RAB28: variants seen among roughly 807,000 people sequenced by gnomAD.
RAB28 encodes ras-related protein Rab-28.
Under a neutral mutation model 31.7 loss-of-function variants are expected in RAB28, and 24 were observed. The observed-to-expected ratio is 0.76, with a 90% CI of 0.55 to 1.06. The LOEUF (loss-of-function observed/expected upper bound fraction) is 1.06, where lower values mean the gene tolerates loss of function less well. Ranked by LOEUF, RAB28 falls within the 50% of genes least tolerant of loss-of-function variation. The probability of loss-of-function intolerance (pLI) is 0.00; values close to 1 mark genes in which losing one functional copy is unlikely to be tolerated. For synonymous variants in RAB28, 100 were observed against 90.4 expected, an observed-to-expected ratio of 1.11 and a Z score of -0.60; for missense variants, 254 against 258.5, an observed-to-expected ratio of 0.98 and a Z score of 0.12.
chr4:13,474,720 G>C (rs1272904995), intron 2 of RAB28, among the ~76,000 whole-genome samples: 1 of 151,610 alleles, frequency 6.6e-6, no homozygotes, highest in Non-Finnish European at 1.5e-5. Flanking sequence ...TTAGAGAACA[G>C]AATGAAGCAC....
chr4:13,402,402 C>A (rs898690405), intron 4 of RAB28, among the ~76,000 whole-genome samples: 1 of 152,296 alleles, frequency 6.6e-6, no homozygotes, highest in Non-Finnish European at 1.5e-5. Flanking sequence ...TCTGTTCTAT[C>A]AGTTTTTGCT....
At chr4:13,397,287 T>C (rs1259605147) in intron 4 of RAB28, among the ~76,000 whole-genome samples, 2 of 152,056 alleles carry the variant, frequency 1.3e-5, no homozygotes, top group African/African-American at 2.4e-5. Flanking sequence ...TGATGACACA[T>C]ACACATATTA....
chr4:13,389,015 C>T (rs376181374), intron 4 of RAB28, among the ~76,000 whole-genome samples: 15 of 152,014 alleles, frequency 9.9e-5, no homozygotes, highest in African/African-American at 3.4e-4. Context: ...TCCAAGTTTA[C>T]AACAGCACTA....
intron 4 of RAB28, among the ~76,000 whole-genome samples, chr4:13,417,258 C>G (rs527494958): frequency 1.3e-5 from 2 of 152,304 alleles, no homozygotes; most frequent in East Asian, 3.9e-4. Flanking sequence ...TGAAGCCTAC[C>G]ACAGCTCTGC....
intron 6 of RAB28, chr4:13,369,881 G>A: frequency 1.2e-6 from 2 of 1,611,336 alleles, no homozygotes; most frequent in South Asian, 1.1e-5. Flanking sequence ...CTGCACTACT[G>A]TACTGAACAG....
intron 6 of RAB28, chr4:13,370,161 A>AAAAGG (rs1337467990): frequency 5.1e-6 from 5 of 980,604 alleles, no homozygotes; most frequent in African/African-American, 1.8e-5. Flanking sequence ...AAAAGGAAAG[A>AAAAGG]AAAGGAAAGG....
chr4:13,465,518 T>TA (rs149486018), intron 3 of RAB28, among the ~76,000 whole-genome samples: 28 of 147,474 alleles, frequency 1.9e-4, no homozygotes, highest in East Asian at 1.4e-3. Flanking sequence ...ACAGAAAATT[T>TA]AAAAAAAAAA....
chr4:13,395,639 C>T lies in RAB28; in HGVS notation c.392-14045G>A, dbSNP rs1208594600. ...TGACTACTGATAACAAGGGAGAGAA[C>T]GAACAGTCTTAAAAGATACAGTATT... On this transcript the variant is annotated intron_variant, in intron 4 of 6. Transcript: ENST00000330852. Among the ~76,000 whole-genome samples, 6 of 140,488 alleles carry T rather than the reference C, an allele frequency of 4.3e-5. No individual in the cohort carries two copies. The South Asian group carries it at 8.4e-4, about 20-fold the overall frequency. The allele number at this position is 140,488 out of a possible 152,430, so 92.2% of individuals were successfully genotyped here. A position where few individuals can be genotyped will look rare whatever the true frequency, so the allele number is the denominator to read the frequency against.
intron 3 of RAB28, among the ~76,000 whole-genome samples, chr4:13,462,794 C>T (rs1315286093): frequency 2.0e-5 from 3 of 152,142 alleles, no homozygotes; most frequent in Non-Finnish European, 2.9e-5. Flanking sequence ...TGAAATAATG[C>T]CCAACACAGA....
chr4:13,465,277 C>T (rs1270473067), intron 3 of RAB28, among the ~76,000 whole-genome samples: 1 of 151,262 alleles, frequency 6.6e-6, no homozygotes, highest in Non-Finnish European at 1.5e-5. Context: ...GACACCAAAC[C>T]ACATATTTAA....
chr4:13,460,814 T>C lies in RAB28; in HGVS notation c.276A>G (p.Val92=), dbSNP rs145306647. ...YIYGAQGVLL[V]YDITNYQSFE... is the part of the protein sequence containing the mutation. ...AGCTTTGATAATTTGTAATATCATA[T>C]ACCAAGAGGACTCCCTGTCACAAAA... The change falls in exon 4 of 7, where the codon GTA becomes GTG. Residue 92 remains valine, a synonymous_variant. Transcript: ENST00000330852. The C allele has an allele frequency of 6.1e-5, 98 of 1,612,048 alleles. No homozygotes were observed. The highest frequency in any genetic ancestry group is 8.0e-5 in the Non-Finnish European group (94 of 1,178,776).
At chr4:13,441,628 A>G (rs569488902) in intron 4 of RAB28, among the ~76,000 whole-genome samples, 1 of 152,370 alleles carries the variant, frequency 6.6e-6, no homozygotes, top group African/African-American at 2.4e-5. Context: ...CCACACAAGT[A>G]ATCCTAAAAA....
At chr4:13,369,811 T>C in intron 6 of RAB28, 3 of 1,465,522 alleles carry the variant, frequency 2.0e-6, no homozygotes, top group Non-Finnish European at 2.8e-6. Context: ...AAGAACAAGA[T>C]AGCATTCAAT....
chr4:13,376,264 A>G (rs1278994357), intron 6 of RAB28, among the ~76,000 whole-genome samples: 1 of 152,176 alleles, frequency 6.6e-6, no homozygotes, highest in Non-Finnish European at 1.5e-5. Flanking sequence ...CAATGTGGTC[A>G]GCACCTTAAC....
intron 4 of RAB28, among the ~76,000 whole-genome samples, chr4:13,453,069 G>A (rs1045500682): frequency 6.6e-6 from 1 of 151,958 alleles, no homozygotes; most frequent in East Asian, 1.9e-4. Flanking sequence ...AGTCTGTTTT[G>A]TCTGATTTAT....
At chr4:13,428,975 T>G (rs867252884) in intron 4 of RAB28, among the ~76,000 whole-genome samples, 14 of 151,344 alleles carry the variant, frequency 9.3e-5, no homozygotes, top group African/African-American at 3.2e-4. Flanking sequence ...GACAGAGTCT[T>G]GCTCTGTTGC....
At chr4:13,391,504 T>G (rs531666027) in intron 4 of RAB28, among the ~76,000 whole-genome samples, 85 of 152,344 alleles carry the variant, frequency 5.6e-4, no homozygotes, top group African/African-American at 1.9e-3. Flanking sequence ...TGGCGATTCC[T>G]CAAGGATCTA....
At chr4:13,403,015 G>C (rs558104115) in intron 4 of RAB28, among the ~76,000 whole-genome samples, 1 of 152,046 alleles carries the variant, frequency 6.6e-6, no homozygotes, top group Non-Finnish European at 1.5e-5. Context: ...GGCTGATCTC[G>C]AACTCCTGAG....
chr4:13,460,075 G>C (rs1254802116), intron 4 of RAB28, among the ~76,000 whole-genome samples: 1 of 152,186 alleles, frequency 6.6e-6, no homozygotes, highest in Non-Finnish European at 1.5e-5. Flanking sequence ...CAAATAATTT[G>C]CTCACTCCAG....
Sources: allele counts gnomAD v4.1 joint callset (sites outside exome capture counted in the v4.1 genomes callset), GRCh38; gene constraint gnomAD v4.1.1; transcripts MANE v1.5; gene names NCBI Gene and HGNC (gene_info 2026-07-23, HGNC 2026-07-21).